BMPR2: variants seen among roughly 807,000 people sequenced by gnomAD.
BMPR2 encodes bone morphogenetic protein receptor type-2.
In BMPR2, 29 loss-of-function variants were observed where a neutral mutation model predicts 100.8. The ratio of observed to expected loss-of-function variants is 0.29; its 90% CI spans 0.21 to 0.39. The LOEUF is 0.39. Among genes scored for constraint, BMPR2 ranks in the 10% least tolerant of loss-of-function variants. The pLI, the probability that BMPR2 is intolerant of heterozygous loss-of-function variation, is 1.00. For synonymous variants in BMPR2, 382 were observed against 442.3 expected (o/e 0.86, Z 1.71); for missense variants, 1,011 against 1,274.5 (o/e 0.79, Z 3.15).
intron 12 of BMPR2, 84 bp from the exon 13 acceptor site, chr2:202,559,612 T>G: frequency 2.8e-6 from 4 of 1,443,068 alleles, no homozygotes; most frequent in Non-Finnish European, 3.8e-6. Context: ...GAGACATTGG[T>G]TTGACCTTTT....
chr2:202,463,266 A>G (rs1243777534), intron 1 of BMPR2, among the ~76,000 whole-genome samples: 2 of 152,232 alleles, frequency 1.3e-5, no homozygotes, highest in Non-Finnish European at 2.9e-5. Flanking sequence ...GCTTTTCACT[A>G]TATAATCATT....
intron 8 of BMPR2, among the ~76,000 whole-genome samples, chr2:202,531,913 C>G (rs1037725629): frequency 2.0e-5 from 3 of 147,344 alleles, no homozygotes; most frequent in Non-Finnish European, 4.5e-5. Flanking sequence ...CAAGTGTGAG[C>G]CACCACGCCC....
intron 1 of BMPR2, among the ~76,000 whole-genome samples, chr2:202,461,814 C>T (rs911356834): frequency 1.4e-4 from 21 of 152,060 alleles, no homozygotes; most frequent in African/African-American, 5.1e-4. Context: ...CTTAGTTATT[C>T]CACAAACATA....
intron 3 of BMPR2, among the ~76,000 whole-genome samples, chr2:202,471,438 G>A (rs930523114): frequency 1.3e-5 from 2 of 152,132 alleles, no homozygotes; most frequent in South Asian, 4.1e-4. Flanking sequence ...GGGAAAAATG[G>A]ACACCTTGAC....
intron 3 of BMPR2, among the ~76,000 whole-genome samples, chr2:202,496,447 A>G (rs868200758): frequency 2.0e-5 from 3 of 152,232 alleles, no homozygotes; most frequent in Non-Finnish European, 4.4e-5. Flanking sequence ...ATTGCACTCC[A>G]GCCTGAGCGA....
intron 3 of BMPR2, among the ~76,000 whole-genome samples, chr2:202,500,229 G>A (rs545443823): frequency 7.3e-4 from 111 of 152,304 alleles, no homozygotes; most frequent in Non-Finnish European, 1.4e-3. Context: ...TGTCCTGGAC[G>A]ACTGTCCTCA....
chr2:202,416,142 C>T (rs1357547312), intron 1 of BMPR2, among the ~76,000 whole-genome samples: 1 of 152,112 alleles, frequency 6.6e-6, no homozygotes, highest in Non-Finnish European at 1.5e-5. Flanking sequence ...AGGTTAAAGA[C>T]TTCAGTGGAG....
intron 3 of BMPR2, among the ~76,000 whole-genome samples, chr2:202,473,519 G>T (rs372943634): frequency 6.6e-6 from 1 of 151,338 alleles, no homozygotes; most frequent in East Asian, 1.9e-4. Flanking sequence ...GGCCAGGCGC[G>T]GTGGCTTACG....
chr2:202,402,870 CT>C, intron 1 of BMPR2, among the ~76,000 whole-genome samples: 12 of 150,350 alleles, frequency 8.0e-5, no homozygotes, highest in Non-Finnish European at 1.5e-5. Flanking sequence ...CTTTTGTCGT[CT>C]AGGCTGGAGT....
intron 1 of BMPR2, among the ~76,000 whole-genome samples, chr2:202,462,162 A>T (rs1031276233): frequency 3.3e-5 from 5 of 152,202 alleles, no homozygotes; most frequent in Non-Finnish European, 5.9e-5. Flanking sequence ...ACAAAGTAAA[A>T]TACCACTTCC....
chr2:202,432,165 C>T (rs770348562), intron 1 of BMPR2, among the ~76,000 whole-genome samples: 16 of 150,688 alleles, frequency 1.1e-4, no homozygotes, highest in Admixed American at 3.3e-4. Context: ...TTTCTTTCAT[C>T]AAGGCTTCTT....
At chr2:202,386,424 A>G (rs904034034) in intron 1 of BMPR2, among the ~76,000 whole-genome samples, 17 of 152,140 alleles carry the variant, frequency 1.1e-4, no homozygotes, top group Non-Finnish European at 2.1e-4. Context: ...TTCAGGCCCC[A>G]AATTAGAGAT....
At chr2:202,432,316 A>G (rs1208409065) in intron 1 of BMPR2, among the ~76,000 whole-genome samples, 1 of 150,870 alleles carries the variant, frequency 6.6e-6, no homozygotes, top group Non-Finnish European at 1.5e-5. Flanking sequence ...GTAATGATTT[A>G]TTCCTTGCCG....
At chr2:202,443,766 AT>A (rs1319458664) in intron 1 of BMPR2, among the ~76,000 whole-genome samples, 2 of 150,398 alleles carry the variant, frequency 1.3e-5, no homozygotes, top group Non-Finnish European at 2.9e-5. Context: ...GGTAGAGACT[AT>A]TGGTCTTTGC....
chr2:202,419,160 A>G (rs576916389), intron 1 of BMPR2, among the ~76,000 whole-genome samples: 185 of 152,308 alleles, frequency 1.2e-3, no homozygotes, highest in Admixed American at 2.6e-3. Context: ...GATTTCCCTC[A>G]TATCTTTCTA....
Position 202,567,722 on chromosome 2 carries a change from C to T in BMPR2, c.*7776C>T, listed in dbSNP as rs569350678. ...CTTGCTGTAAAATGGTGCGTTATTCCGTTTATTAAAGATCATATTAATGAC... is the reference window on the plus strand; with the variant it reads ...CTTGCTGTAAAATGGTGCGTTATTCTGTTTATTAAAGATCATATTAATGAC... On this transcript the variant is annotated 3_prime_UTR_variant, in exon 13 of 13. Coordinates refer to ENST00000374580, the MANE Select transcript of BMPR2 (RefSeq NM_001204.7). 94 of 152,488 alleles carry T rather than the reference C, an allele frequency of 6.2e-4. No individual in the cohort carries two copies. The highest frequency in any genetic ancestry group is 1.0e-3 in the South Asian group (5 of 4,816). 9.4% of individuals were successfully genotyped at this position (152,488 alleles called of 1,614,324 possible). A position where few individuals can be genotyped will look rare whatever the true frequency, so the allele number is the denominator to read the frequency against.
chr2:202,403,805 A>G (rs960112997), intron 1 of BMPR2, among the ~76,000 whole-genome samples: 1 of 152,116 alleles, frequency 6.6e-6, no homozygotes, highest in African/African-American at 2.4e-5. Flanking sequence ...CGGGAGTTCA[A>G]GACCAGCCTG....
intron 1 of BMPR2, among the ~76,000 whole-genome samples, chr2:202,425,793 T>G (rs1367938929): frequency 6.6e-6 from 1 of 152,120 alleles, no homozygotes; most frequent in African/African-American, 2.4e-5. Context: ...AAAAAAGAAT[T>G]TATTTAAAAG....
chr2:202,429,862 G>A (rs1431837738), intron 1 of BMPR2, among the ~76,000 whole-genome samples: 1 of 152,076 alleles, frequency 6.6e-6, no homozygotes, highest in African/African-American at 2.4e-5. Context: ...GAACAGCATG[G>A]GGGAAACTGC....
Sources: gnomAD v4.1 joint callset for allele counts (sites outside exome capture counted in the v4.1 genomes callset) on GRCh38, gnomAD v4.1.1 for gene constraint, MANE v1.5 for transcripts, NCBI Gene and HGNC (gene_info 2026-07-23, HGNC 2026-07-21) for gene names.